The following GLI2 variants were observed in gnomAD, a reference collection of about 807,000 sequenced individuals.
GLI2 encodes the protein GLI family zinc finger 2, also known as transcription activator GLI2.
Under a neutral mutation model 78.9 loss-of-function variants are expected in GLI2, and 22 were observed. That is an observed-to-expected ratio of 0.28 (90% CI 0.20 to 0.40). GLI2 has a LOEUF of 0.40. GLI2 is among the 10% of genes least tolerant of loss of function. The pLI is 1.00. For synonymous variants in GLI2, 974 were observed against 963.7 expected (o/e 1.01, Z -0.20); for missense variants, 2,097 against 2,213.2 (o/e 0.95, Z 1.05).
chr2:120,892,894 A>G (rs1185055241), intron 2 of GLI2, among the ~76,000 whole-genome samples: 1 of 152,182 alleles, frequency 6.6e-6, no homozygotes, highest in Non-Finnish European at 1.5e-5. Flanking sequence ...TTGCACTCAC[A>G]TCCTTGTCTC....
chr2:120,743,154 A>G (rs998336288), intron 1 of GLI2, among the ~76,000 whole-genome samples: 1 of 152,208 alleles, frequency 6.6e-6, no homozygotes, highest in Non-Finnish European at 1.5e-5. Flanking sequence ...GTGACCATCA[A>G]TGTACCATAT....
intron 2 of GLI2, among the ~76,000 whole-genome samples, chr2:120,804,672 G>A (rs1573401605): frequency 6.6e-6 from 1 of 152,244 alleles, no homozygotes; most frequent in South Asian, 2.1e-4. Context: ...CTTGTTTTAT[G>A]GCCCAGCCAT....
chr2:120,791,441 A>C (rs974289113), intron 1 of GLI2, among the ~76,000 whole-genome samples: 1 of 152,254 alleles, frequency 6.6e-6, no homozygotes, highest in East Asian at 1.9e-4. Context: ...CAGAGTCCTC[A>C]GGGCCTCAGG....
rs555524998 is a variant in GLI2 at position 120,749,760 on chromosome 2, G to A, written c.-31+13475G>A. On this transcript the variant is annotated intron_variant, in intron 1 of 13. Coordinates refer to ENST00000361492, the MANE Select transcript of GLI2 (RefSeq NM_001374353.1). Reference sequence around the variant, plus strand: ...ACTGATGTACTTGAATAAGGCAGCAGCCCCTGACCTTAGTAGTCCCTCGGG... The same window carrying A: ...ACTGATGTACTTGAATAAGGCAGCAACCCCTGACCTTAGTAGTCCCTCGGG... Among the ~76,000 whole-genome samples the A allele has an allele frequency of 6.6e-5, 10 of 152,320 alleles. No individual in the cohort carries two copies. In the South Asian group the frequency reaches 1.7e-3, roughly 25 times the overall value.
At chr2:120,893,965 G>T (rs1246503602) in intron 2 of GLI2, among the ~76,000 whole-genome samples, 2 of 152,148 alleles carry the variant, frequency 1.3e-5, no homozygotes, top group Non-Finnish European at 2.9e-5. Context: ...ATTTAAGGGG[G>T]AGCCACCTGA....
At chr2:120,752,559 G>A (rs1682910437) in intron 1 of GLI2, among the ~76,000 whole-genome samples, 1 of 152,038 alleles carries the variant, frequency 6.6e-6, no homozygotes, top group South Asian at 2.1e-4. Flanking sequence ...GTGAGCCACC[G>A]CACCTGGCCC....
chr2:120,879,804 A>G (rs911700110), intron 2 of GLI2, among the ~76,000 whole-genome samples: 1 of 152,200 alleles, frequency 6.6e-6, no homozygotes, highest in Non-Finnish European at 1.5e-5. Flanking sequence ...TGTTCTAATG[A>G]GGAGCTTGTA....
chr2:120,860,631 A>G (rs1172101969), intron 2 of GLI2, among the ~76,000 whole-genome samples: 1 of 152,212 alleles, frequency 6.6e-6, no homozygotes, highest in African/African-American at 2.4e-5. Flanking sequence ...ATTTCAGGCA[A>G]CGGTTCTGGT....
intron 2 of GLI2, among the ~76,000 whole-genome samples, chr2:120,818,367 C>T (rs537894239): frequency 6.6e-5 from 10 of 152,340 alleles, no homozygotes; most frequent in Admixed American, 2.0e-4. Context: ...GGAGTGTGGA[C>T]GTGCCAGTGG....
At chr2:120,882,206 C>G (rs1428710882) in intron 2 of GLI2, among the ~76,000 whole-genome samples, 1 of 152,062 alleles carries the variant, frequency 6.6e-6, no homozygotes, top group African/African-American at 2.4e-5. Context: ...GTTCCAGGAG[C>G]CACATCCTCC....
rs185534604 is a variant in GLI2 at position 120,826,545 on chromosome 2, G to A, written c.148+29077G>A. ...TCCGTGTGGGACCTTGCTTGAGGTG[G>A]GCAGAGGTGCTTTGGAGTGGTGGAG... On this transcript the variant is annotated intron_variant, in intron 2 of 13. Transcript: ENST00000361492. 9.2e-5 allele frequency among the ~76,000 whole-genome samples: 14 copies of A among 152,288 alleles called. 1 individual carries two copies. The East Asian group carries it at 2.7e-3, about 30-fold the overall frequency.
intron 3 of GLI2, among the ~76,000 whole-genome samples, chr2:120,939,057 G>A (rs1231770377): frequency 6.6e-6 from 1 of 152,226 alleles, no homozygotes; most frequent in African/African-American, 2.4e-5. Context: ...CGAGGCAGGG[G>A]GATCACCTGA....
intron 2 of GLI2, among the ~76,000 whole-genome samples, chr2:120,799,248 A>G (rs139084235): frequency 2.0e-3 from 305 of 152,092 alleles, no homozygotes; most frequent in African/African-American, 6.9e-3. Context: ...TCACCTCCCA[A>G]CCCCACCCCA....
intron 3 of GLI2, among the ~76,000 whole-genome samples, chr2:120,938,904 C>T (rs1303176824): frequency 6.6e-6 from 1 of 151,990 alleles, no homozygotes; most frequent in Non-Finnish European, 1.5e-5. Context: ...ATCCACTCAG[C>T]CAACTTAAAC....
intron 2 of GLI2, among the ~76,000 whole-genome samples, chr2:120,869,323 G>A (rs542243602): frequency 7.7e-4 from 118 of 152,302 alleles, no homozygotes; most frequent in Non-Finnish European, 1.3e-3. Context: ...TTGGTATAAT[G>A]GGCACAGCTC....
At chr2:120,947,186 G>A (rs1325862791) in intron 3 of GLI2, among the ~76,000 whole-genome samples, 1 of 152,176 alleles carries the variant, frequency 6.6e-6, no homozygotes, top group Non-Finnish European at 1.5e-5. Context: ...CCACCAACCA[G>A]TGTCATCAAG....
intron 2 of GLI2, among the ~76,000 whole-genome samples, chr2:120,893,707 C>T (rs1030237931): frequency 4.6e-5 from 7 of 151,140 alleles, no homozygotes; most frequent in African/African-American, 7.3e-5. Context: ...CCCAACCCCC[C>T]ACAAAACAGA....
At chr2:120,860,526 C>A (rs142914429) in intron 2 of GLI2, among the ~76,000 whole-genome samples, 1 of 152,194 alleles carries the variant, frequency 6.6e-6, no homozygotes, top group Non-Finnish European at 1.5e-5. Flanking sequence ...ACTACAGCAG[C>A]GGTCACTGAC....
chr2:120,797,438 G>A lies in GLI2; in HGVS notation c.118G>A (p.Ala40Thr), dbSNP rs776675838. 43 of 1,613,946 alleles carry A rather than the reference G, an allele frequency of 2.7e-5. No individual in the cohort carries two copies. Among genetic ancestry groups the A allele is most frequent in the Non-Finnish European group, 3.5e-5 (41 of 1,179,948 alleles). Residue 40 changes from alanine to threonine, a missense_variant, in exon 2 of 14, where the codon GCG (alanine) becomes ACG (threonine). Coordinates refer to ENST00000361492, the MANE Select transcript of GLI2 (RefSeq NM_001374353.1). Reference protein sequence around the residue: ...KKASPLVVAAAAAAAVAAQGV... With the variant: ...KKASPLVVAATAAAAVAAQGV... ...GGCCTCTCCTTTGGTGGTGGCTGCA[G>A]CGGCAGCAGCAGCGGTAGCTGCCCA...
Sources: allele counts gnomAD v4.1 joint callset (sites outside exome capture counted in the v4.1 genomes callset), GRCh38; gene constraint gnomAD v4.1.1; transcripts MANE v1.5; gene names NCBI Gene and HGNC (gene_info 2026-07-23, HGNC 2026-07-21).